The following NMNAT1 variants were observed in gnomAD, a reference collection of about 807,000 sequenced individuals.
NMNAT1 encodes nicotinamide/nicotinic acid mononucleotide adenylyltransferase 1.
NMNAT1 carries 11 observed loss-of-function variants against 16.7 expected under a neutral mutation model. That is an observed-to-expected ratio of 0.66 (90% CI 0.41 to 1.09). NMNAT1 has a LOEUF of 1.09. Among genes scored for constraint, NMNAT1 ranks in the 50% least tolerant of loss-of-function variants. The probability of loss-of-function intolerance (pLI) is 0.00; values close to 1 mark genes in which losing one functional copy is unlikely to be tolerated. For synonymous variants in NMNAT1, 110 were observed against 119.8 expected, an observed-to-expected ratio of 0.92 and a Z score of 0.53; for missense variants, 280 against 332.3, an observed-to-expected ratio of 0.84 and a Z score of 1.22.
At chr1:9,992,035 C>T in the NMNAT1 span, among the ~76,000 whole-genome samples, 3 of 151,600 alleles carry the variant, frequency 2.0e-5, no homozygotes, top group African/African-American at 4.8e-5. Context: ...GGTGACAAAG[C>T]GAGACTCTGT....
intron 1 of NMNAT1, among the ~76,000 whole-genome samples, chr1:9,957,468 C>A (rs752991253): frequency 6.6e-5 from 10 of 151,088 alleles, no homozygotes; most frequent in Non-Finnish European, 1.5e-4. Flanking sequence ...TACAGGCATG[C>A]GCCACCACGC....
downstream of NMNAT1, among the ~76,000 whole-genome samples, chr1:9,988,703 CAAA>C (rs747744372): frequency 6.9e-3 from 461 of 67,278 alleles, 4 homozygotes; most frequent in African/African-American, 0.02. Flanking sequence ...GACTCCATCT[CAAA>C]AAAAAAAAAA....
chr1:9,943,164 C>G (rs372029505), upstream of NMNAT1: 1,309 of 176,962 alleles, frequency 7.4e-3, 8 homozygotes, highest in Non-Finnish European at 0.012. Flanking sequence ...CACGTAGGTC[C>G]CGCGGCGGCC....
At chr1:9,973,767 G>A (rs947003520) in intron 2 of NMNAT1, among the ~76,000 whole-genome samples, 10 of 144,540 alleles carry the variant, frequency 6.9e-5, no homozygotes, top group Non-Finnish European at 1.5e-4. Flanking sequence ...GCACATACCT[G>A]TAATCCCAGC....
chr1:9,958,013 T>C (rs1570685425), intron 1 of NMNAT1, among the ~76,000 whole-genome samples: 1 of 152,146 alleles, frequency 6.6e-6, no homozygotes, highest in East Asian at 1.9e-4. Context: ...TTAATGGCTT[T>C]CTATACCAGA....
At chr1:9,963,408 ATTTC>A (rs1156998641) in intron 1 of NMNAT1, among the ~76,000 whole-genome samples, 7 of 148,408 alleles carry the variant, frequency 4.7e-5, no homozygotes, top group East Asian at 2.0e-4. Context: ...TTAACCCACT[ATTTC>A]TTTTTTTTTT....
At chr1:9,986,642 G>A (rs574037667), downstream of NMNAT1, among the ~76,000 whole-genome samples, 16 of 152,280 alleles carry the variant, frequency 1.1e-4, no homozygotes, top group South Asian at 4.1e-4. Flanking sequence ...TAGAAATTTG[G>A]GAATCAGAGG....
chr1:9,955,403 C>A (rs868393962), intron 1 of NMNAT1, among the ~76,000 whole-genome samples: 744 of 90,470 alleles, frequency 8.2e-3, no homozygotes, highest in African/African-American at 0.016. Flanking sequence ...GACTTTGTCT[C>A]AAAAAAAAAA....
Position 9,968,069 on chromosome 1 carries a change from T to TTTTTTTTTTTTG in NMNAT1, c.-56-3939_-56-3938insTGTTTTTTTTTT, listed in dbSNP as rs1553126601. Among the ~76,000 whole-genome samples, 19 of 62,200 alleles carry TTTTTTTTTTTTG rather than the reference T, an allele frequency of 3.1e-4. 2 individuals are homozygous for TTTTTTTTTTTTG. In the Admixed American group the frequency reaches 4.0e-3, roughly 13 times the overall value. The allele number at this position is 62,200 out of a possible 152,430, so 40.8% of individuals were successfully genotyped here. On this transcript the variant is annotated intron_variant, in intron 1 of 4. Transcript: ENST00000377205. ...CATGTTTGCTATTTGCCAAATGTAG[T>TTTTTTTTTTTTG]TTTTTTTTTTGTTTTTTTTTGAGAT...
At position 9,969,422 on chromosome 1, in the gene NMNAT1, G is replaced by A. The variant is rs996257842; in HGVS notation, c.-56-2596G>A. On this transcript the variant is annotated intron_variant, in intron 1 of 4. Coordinates refer to ENST00000377205, the MANE Select transcript of NMNAT1 (RefSeq NM_022787.4). Reference sequence around the variant, plus strand: ...TGAGGCTATCAGGAAATTAGAGCATGAAGGCAGGAGGTGGAAAATACAGAA... The same window carrying A: ...TGAGGCTATCAGGAAATTAGAGCATAAAGGCAGGAGGTGGAAAATACAGAA... Among the ~76,000 whole-genome samples, 4 of 152,232 alleles carry A rather than the reference G, an allele frequency of 2.6e-5. No homozygotes were observed. The South Asian group carries it at 8.3e-4, about 32-fold the overall frequency.
intron 1 of NMNAT1, among the ~76,000 whole-genome samples, chr1:9,963,499 T>C (rs1305003810): frequency 6.6e-6 from 1 of 151,706 alleles, no homozygotes; most frequent in Non-Finnish European, 1.5e-5. Context: ...AACCTCCATC[T>C]CCCGGGTTCA....
the NMNAT1 span, among the ~76,000 whole-genome samples, chr1:9,996,645 G>A: frequency 1.3e-5 from 2 of 152,158 alleles, no homozygotes; most frequent in Non-Finnish European, 2.9e-5. Flanking sequence ...GTGCTGCAGG[G>A]ATACTGACCT....
chr1:9,971,957 A>G, intron 1 of NMNAT1, 61 bp from the exon 2 acceptor site: 1 of 688,852 alleles, frequency 1.5e-6, no homozygotes, highest in South Asian at 1.6e-5. Context: ...GTGGCAGAGC[A>G]AGACCTTATC....
intron 1 of NMNAT1, among the ~76,000 whole-genome samples, chr1:9,953,797 CTTTTTTTTT>C (rs34585788): frequency 1.8e-4 from 11 of 60,148 alleles, no homozygotes; most frequent in Non-Finnish European, 2.9e-4. Context: ...ATATATCACT[CTTTTTTTTT>C]TTTTTTTTTT....
intron 1 of NMNAT1, among the ~76,000 whole-genome samples, chr1:9,945,989 A>G (rs919398990): frequency 2.0e-5 from 3 of 152,132 alleles, no homozygotes; most frequent in Non-Finnish European, 2.9e-5. Flanking sequence ...CCTGGGCTCA[A>G]GTAATCCTCC....
rs139650402 is a variant in NMNAT1 at position 9,959,421 on chromosome 1, G to A, written c.-56-12597G>A. Reference sequence around the variant, plus strand: ...AAAGAGGCCGGGTGCGGTGACTCACGCCTATAATCCTAGCACTTTGGGAGG... The same window carrying A: ...AAAGAGGCCGGGTGCGGTGACTCACACCTATAATCCTAGCACTTTGGGAGG... On this transcript the variant is annotated intron_variant, in intron 1 of 4. Transcript: ENST00000377205. Among the ~76,000 whole-genome samples the A allele has an allele frequency of 4.6e-3, 654 of 143,154 alleles. 5 individuals carry two copies. Among genetic ancestry groups the A allele is most frequent in the African/African-American group, 0.016 (614 of 38,592 alleles). 93.9% of individuals were successfully genotyped at this position (143,154 alleles called of 152,430 possible).
chr1:9,982,390 A>G lies in NMNAT1; in HGVS notation c.529A>G (p.Ile177Val). 2 of 1,614,170 alleles carry G rather than the reference A, an allele frequency of 1.2e-6. No individual in the cohort carries two copies. The highest frequency in any genetic ancestry group is 2.2e-5 in the East Asian group (1 of 44,886). ...NLWKSEDITQ[I>V]VANYGLICVT... ...GTGGAAGAGTGAAGACATCACCCAA[A>G]TCGTGGCCAACTATGGGCTCATATG... Residue 177 changes from isoleucine (I) to valine (V), a missense_variant, in exon 5 of 5, where the codon ATC becomes GTC. Ile to Val is a conservative substitution (Grantham distance 29, BLOSUM62 3). Transcript: ENST00000377205.
rs1356366211 is a variant in NMNAT1 at position 9,982,369 on chromosome 1, A to G, written c.508A>G (p.Lys170Glu). 1 of 1,614,040 alleles carries G rather than the reference A, an allele frequency of 6.2e-7. No individual in the cohort carries two copies. Among genetic ancestry groups the G allele is most frequent in the East Asian group, 2.2e-5 (1 of 44,894 alleles). Residue 170 changes from lysine (K) to glutamate (E), a missense_variant, in exon 5 of 5, where the codon AAG (lysine) becomes GAG (glutamate). Transcript: ENST00000377205. ...GTCCTTTGCTGTTCCCAATTTGTGGAAGAGTGAAGACATCACCCAAATCGT... is the reference window on the plus strand; with the variant it reads ...GTCCTTTGCTGTTCCCAATTTGTGGGAGAGTGAAGACATCACCCAAATCGT... ...LESFAVPNLW[K>E]SEDITQIVAN...
At chr1:9,972,454 G>GC in intron 2 of NMNAT1, 1 of 233,296 alleles carries the variant, frequency 4.3e-6, no homozygotes, top group Non-Finnish European at 8.2e-6. Context: ...TGAGATTGCT[G>GC]CACTGCACTC....
Sources: allele counts gnomAD v4.1 joint callset (sites outside exome capture counted in the v4.1 genomes callset), GRCh38; gene constraint gnomAD v4.1.1; transcripts MANE v1.5; gene names NCBI Gene and HGNC (gene_info 2026-07-23, HGNC 2026-07-21).